Variants in SOX5 observed in about 807,000 individuals in gnomAD.
SOX5 encodes the protein transcription factor SOX-5.
SOX5 carries 9 observed loss-of-function variants against 92.0 expected under a neutral mutation model. The ratio of observed to expected loss-of-function variants is 0.10; its 90% CI spans 0.06 to 0.17. SOX5 has a LOEUF of 0.17. SOX5 is among the 10% of genes least tolerant of loss of function. SOX5 has a pLI of 1.00. For synonymous variants in SOX5, 344 were observed against 336.3 expected (o/e 1.02, Z -0.25); for missense variants, 642 against 944.5 (o/e 0.68, Z 4.20).
At chr12:24,185,467 C>T (rs148579459) in intron 4 of SOX5, among the ~76,000 whole-genome samples, 27 of 152,176 alleles carry the variant, frequency 1.8e-4, no homozygotes, top group East Asian at 7.7e-4. Flanking sequence ...TATGTTTGTC[C>T]GTGTCACTAT....
Position 24,521,665 on chromosome 12 carries a change from A to C in SOX5, c.-251+40664T>G, listed in dbSNP as rs185281183. On this transcript the variant is annotated intron_variant, in intron 1 of 4. Coordinates refer to the SOX5 transcript ENST00000446891. ...ATCAATAACAGCAAGAAAATGAGAAAATTCACAAACGCATGGAAAGTAAAC... is the reference window on the plus strand; with the variant it reads ...ATCAATAACAGCAAGAAAATGAGAACATTCACAAACGCATGGAAAGTAAAC... 2.9e-4 allele frequency among the ~76,000 whole-genome samples: 44 copies of C among 152,342 alleles called. 1 individual carries two copies. The highest frequency in any genetic ancestry group is 2.9e-3 in the Admixed American group (44 of 15,304).
rs548921309 is a variant in SOX5, at chr12:24,274,541, G to A, written c.-77+2675C>T. On this transcript the variant is annotated intron_variant, in intron 3 of 4. Transcript: ENST00000446891. Reference sequence around the variant, plus strand: ...TAGCAGTTAGGGAACAAACCCAAAAGTAAACAGGTATAAGTGGTACAATTA... The same window carrying A: ...TAGCAGTTAGGGAACAAACCCAAAAATAAACAGGTATAAGTGGTACAATTA... 3.9e-5 allele frequency among the ~76,000 whole-genome samples: 6 copies of A among 152,126 alleles called. No homozygotes were observed. In the South Asian group the frequency reaches 1.2e-3, roughly 32 times the overall value.
intron 4 of SOX5, among the ~76,000 whole-genome samples, chr12:24,044,986 T>G (rs1274791292): frequency 6.6e-6 from 1 of 152,208 alleles, no homozygotes; most frequent in Non-Finnish European, 1.5e-5. Flanking sequence ...CATTCAGAAG[T>G]CTGGATATGC....
At chr12:24,110,870 C>T (rs939138679) in intron 4 of SOX5, among the ~76,000 whole-genome samples, 3 of 129,732 alleles carry the variant, frequency 2.3e-5, no homozygotes, top group African/African-American at 8.7e-5. Context: ...CACTGTACTC[C>T]AGCCTGGGCG....
At chr12:23,839,007 T>C in intron 3 of SOX5, among the ~76,000 whole-genome samples, 1 of 100,368 alleles carries the variant, frequency 1.0e-5, no homozygotes, top group Non-Finnish European at 2.0e-5. Flanking sequence ...ACCCAGCTAT[T>C]TTTTTTTTTT....
chr12:24,170,341 A>G (rs1052494596), intron 4 of SOX5, among the ~76,000 whole-genome samples: 17 of 152,168 alleles, frequency 1.1e-4, no homozygotes, highest in African/African-American at 4.1e-4. Flanking sequence ...GAATGGGGCA[A>G]ATGCCACAGA....
At chr12:24,554,561 C>A (rs986758388) in intron 1 of SOX5, among the ~76,000 whole-genome samples, 2 of 152,132 alleles carry the variant, frequency 1.3e-5, no homozygotes, top group Non-Finnish European at 2.9e-5. Context: ...TGCCTCCCAT[C>A]CTCCTTGGAT....
chr12:24,013,504 C>G (rs184600755), intron 4 of SOX5, among the ~76,000 whole-genome samples: 2 of 152,246 alleles, frequency 1.3e-5, no homozygotes, highest in African/African-American at 2.4e-5. Context: ...CCAAGAGTAA[C>G]CTGGTTTCCC....
chr12:24,305,104 T>C (rs540393277), intron 2 of SOX5, among the ~76,000 whole-genome samples: 8 of 152,326 alleles, frequency 5.3e-5, no homozygotes, highest in Admixed American at 2.0e-4. Context: ...GCTGGTAGAA[T>C]TGTGGCCTGA....
chr12:24,146,098 AC>A (rs1951052353), intron 4 of SOX5, among the ~76,000 whole-genome samples: 1 of 152,138 alleles, frequency 6.6e-6, no homozygotes, highest in African/African-American at 2.4e-5. Flanking sequence ...ACAGAAAATC[AC>A]CAAGGATACA....
intron 2 of SOX5, among the ~76,000 whole-genome samples, chr12:24,361,597 G>A (rs1955558180): frequency 6.7e-6 from 1 of 148,760 alleles, no homozygotes; most frequent in African/African-American, 2.5e-5. Context: ...ACAGTGATGA[G>A]GCTTTTTCAG....
chr12:23,616,527 G>A (rs998070169), intron 8 of SOX5, among the ~76,000 whole-genome samples: 16 of 152,184 alleles, frequency 1.1e-4, no homozygotes, highest in African/African-American at 3.1e-4. Context: ...GAGTCACCGG[G>A]AGGAGCAACT....
At chr12:23,765,690 G>A (rs1361541646) in intron 3 of SOX5, among the ~76,000 whole-genome samples, 1 of 152,008 alleles carries the variant, frequency 6.6e-6, no homozygotes, top group Non-Finnish European at 1.5e-5. Flanking sequence ...ATGGCATAAA[G>A]TACCATTAGA....
intron 3 of SOX5, among the ~76,000 whole-genome samples, chr12:23,797,084 C>A (rs186166955): frequency 6.6e-6 from 1 of 151,698 alleles, no homozygotes; most frequent in African/African-American, 2.4e-5. Flanking sequence ...TTCAAAGTAG[C>A]CTTAATTAAC....
At chr12:24,050,832 A>ATTC (rs902251196) in intron 4 of SOX5, among the ~76,000 whole-genome samples, 20 of 152,046 alleles carry the variant, frequency 1.3e-4, no homozygotes, top group South Asian at 8.3e-4. Flanking sequence ...AAATGAAGCC[A>ATTC]TTCTTCTTCT....
intron 1 of SOX5, among the ~76,000 whole-genome samples, chr12:24,480,933 A>C (rs984043089): frequency 1.3e-5 from 2 of 151,778 alleles, no homozygotes; most frequent in African/African-American, 4.8e-5. Flanking sequence ...GGAAATCAGT[A>C]TATCAAAGAG....
At chr12:23,680,616 T>C (rs2086463359) in intron 6 of SOX5, among the ~76,000 whole-genome samples, 1 of 151,988 alleles carries the variant, frequency 6.6e-6, no homozygotes, top group Non-Finnish European at 1.5e-5. Context: ...ACTGATAACT[T>C]TTCTGAATTT....
At chr12:23,592,281 C>A (rs901695904) in intron 9 of SOX5, among the ~76,000 whole-genome samples, 3 of 152,058 alleles carry the variant, frequency 2.0e-5, no homozygotes, top group African/African-American at 7.2e-5. Flanking sequence ...AAGGAAAATT[C>A]TTTTAATTTT....
intron 7 of SOX5, among the ~76,000 whole-genome samples, chr12:23,662,168 T>C (rs1010734): frequency 1.3e-5 from 2 of 151,310 alleles, no homozygotes; most frequent in Admixed American, 6.6e-5. Flanking sequence ...CATATATATA[T>C]ATAGAGAGAG....
Sources: gnomAD v4.1 joint callset for allele counts (sites outside exome capture counted in the v4.1 genomes callset) on GRCh38, gnomAD v4.1.1 for gene constraint, MANE v1.5 for transcripts, NCBI Gene and HGNC (gene_info 2026-07-23, HGNC 2026-07-21) for gene names.